The following ANKS1B variants were observed in gnomAD, a reference collection of about 807,000 sequenced individuals.
The protein encoded by ANKS1B is ankyrin repeat and sterile alpha motif domain-containing protein 1B.
ANKS1B carries 36 observed loss-of-function variants against 148.3 expected under a neutral mutation model. The observed-to-expected ratio is 0.24, with a 90% CI of 0.19 to 0.32. The LOEUF is 0.32. Among genes scored for constraint, ANKS1B ranks in the 10% least tolerant of loss-of-function variants. The pLI, the probability that ANKS1B is intolerant of heterozygous loss-of-function variation, is 1.00. For synonymous variants in ANKS1B, 542 were observed against 560.8 expected (o/e 0.97, Z 0.47); for missense variants, 1,157 against 1,542.6 (o/e 0.75, Z 4.19).
chr12:99,249,993 G>T (rs1389831267), intron 12 of ANKS1B, among the ~76,000 whole-genome samples: 1 of 152,202 alleles, frequency 6.6e-6, no homozygotes, highest in Non-Finnish European at 1.5e-5. Flanking sequence ...GCCATTGAAA[G>T]ATAGACGCTC....
rs371898982 is a variant in ANKS1B at position 99,356,233 on chromosome 12, T to C, written c.1756+43398A>G. ...GAGGGCACAGCCATGGCTTGTGGAATGGCAGGCACTGAATAGAATGCTGTG... is the reference window on the plus strand; with the variant it reads ...GAGGGCACAGCCATGGCTTGTGGAACGGCAGGCACTGAATAGAATGCTGTG... On this transcript the variant is annotated intron_variant, in intron 12 of 26. Transcript: ENST00000683438. Among the ~76,000 whole-genome samples the C allele has an allele frequency of 7.2e-4, 110 of 152,286 alleles. 3 individuals are homozygous for C. In the South Asian group the frequency reaches 0.021, roughly 29 times the overall value.
intron 1 of ANKS1B, among the ~76,000 whole-genome samples, chr12:99,848,819 A>T (rs1452019511): frequency 7.4e-6 from 1 of 135,404 alleles, no homozygotes; most frequent in South Asian, 2.1e-4. Context: ...GATTGCATTT[A>T]AAAAAAAAAT....
At chr12:98,798,841 G>T in intron 22 of ANKS1B, 93 bp downstream of exon 22, 2 of 1,048,632 alleles carry the variant, frequency 1.9e-6, no homozygotes, top group East Asian at 2.5e-5. Flanking sequence ...ACCAACAGAT[G>T]GAGAAAATAG....
intron 8 of ANKS1B, among the ~76,000 whole-genome samples, chr12:99,747,832 A>G (rs1246317744): frequency 6.6e-6 from 1 of 152,154 alleles, no homozygotes; most frequent in Non-Finnish European, 1.5e-5. Flanking sequence ...TGAAAAATGA[A>G]CCATTTTCTC....
intron 1 of ANKS1B, among the ~76,000 whole-genome samples, chr12:99,855,309 A>T (rs1296823602): frequency 6.6e-6 from 1 of 152,158 alleles, no homozygotes; most frequent in Non-Finnish European, 1.5e-5. Flanking sequence ...GTTTAAAAAC[A>T]CAAAAAGGGA....
chr12:99,801,609 G>A lies in ANKS1B; in HGVS notation c.669+4795C>T, dbSNP rs117807853. On this transcript the variant is annotated intron_variant, in intron 4 of 26. Coordinates refer to ENST00000683438, the MANE Select transcript of ANKS1B (RefSeq NM_001352186.2). The stretch of plus-strand genomic sequence containing the variant: ...AGTAAAAACAAGCTTTTCTAACTAC[G>A]TTGCTACAAAGGGGTCAGAGAAAGG... Among the ~76,000 whole-genome samples, 830 of 152,224 alleles carry A rather than the reference G, an allele frequency of 5.5e-3. 3 individuals are homozygous for A. Among genetic ancestry groups the A allele is most frequent in the Non-Finnish European group, 8.5e-3 (581 of 68,006 alleles).
At chr12:99,429,820 C>G (rs183690976) in intron 11 of ANKS1B, among the ~76,000 whole-genome samples, 2 of 151,886 alleles carry the variant, frequency 1.3e-5, no homozygotes, top group Non-Finnish European at 2.9e-5. Flanking sequence ...AAAAATTAGC[C>G]GGGCGTGGTG....
intron 1 of ANKS1B, among the ~76,000 whole-genome samples, chr12:99,839,508 C>A (rs1455565275): frequency 6.6e-6 from 1 of 152,092 alleles, no homozygotes; most frequent in African/African-American, 2.4e-5. Context: ...ACGCAATCCA[C>A]AGAAGGTACT....
chr12:99,381,240 A>G (rs1050419270), intron 12 of ANKS1B, among the ~76,000 whole-genome samples: 2 of 152,186 alleles, frequency 1.3e-5, no homozygotes, highest in Admixed American at 1.3e-4. Context: ...TCCTTAAGAA[A>G]CGAATACAGA....
At chr12:99,168,519 C>CA (rs113434143) in intron 14 of ANKS1B, among the ~76,000 whole-genome samples, 1,769 of 68,706 alleles carry the variant, frequency 0.026, 14 homozygotes, top group African/African-American at 0.043. Flanking sequence ...AACTCCATCT[C>CA]AAAAAAAAAA....
chr12:98,753,889 A>T (rs952146324), intron 25 of ANKS1B, among the ~76,000 whole-genome samples: 1 of 152,064 alleles, frequency 6.6e-6, no homozygotes, highest in Non-Finnish European at 1.5e-5. Flanking sequence ...CGATTCCCAC[A>T]CTGCTGCTGG....
At chr12:99,840,262 A>G (rs1364457868) in intron 1 of ANKS1B, among the ~76,000 whole-genome samples, 2 of 152,158 alleles carry the variant, frequency 1.3e-5, no homozygotes, top group Admixed American at 6.6e-5. Context: ...CTTAATGCTG[A>G]GGAACAGCCA....
chr12:99,143,126 A>G (rs1218899997), intron 15 of ANKS1B, among the ~76,000 whole-genome samples: 1 of 152,144 alleles, frequency 6.6e-6, no homozygotes, highest in Non-Finnish European at 1.5e-5. Context: ...ATGAAACCAG[A>G]CATTAGCTTA....
intron 25 of ANKS1B, among the ~76,000 whole-genome samples, chr12:98,771,255 A>T (rs879508094): frequency 6.6e-6 from 1 of 152,114 alleles, no homozygotes; most frequent in East Asian, 1.9e-4. Flanking sequence ...GTGAAGCCTC[A>T]GTGTCCTGGG....
intron 10 of ANKS1B, among the ~76,000 whole-genome samples, chr12:99,475,453 T>A (rs964075050): frequency 6.6e-6 from 1 of 151,704 alleles, no homozygotes; most frequent in African/African-American, 2.4e-5. Context: ...TAGAAACTAC[T>A]AAGAAATTCA....
intron 9 of ANKS1B, among the ~76,000 whole-genome samples, chr12:99,628,550 T>C (rs2098130488): frequency 6.6e-6 from 1 of 152,200 alleles, no homozygotes; most frequent in Non-Finnish European, 1.5e-5. Flanking sequence ...GGATAAAACA[T>C]TTTCTCATCT....
intron 1 of ANKS1B, among the ~76,000 whole-genome samples, chr12:99,901,086 A>G (rs2093582826): frequency 6.6e-6 from 1 of 152,242 alleles, no homozygotes; most frequent in Non-Finnish European, 1.5e-5. Context: ...GATAAAAATC[A>G]CGAGTTAAAA....
intron 1 of ANKS1B, among the ~76,000 whole-genome samples, chr12:99,933,454 T>G (rs1441878714): frequency 6.6e-6 from 1 of 152,152 alleles, no homozygotes; most frequent in Non-Finnish European, 1.5e-5. Context: ...TGTTGTATAG[T>G]TTTCACTGTA....
chr12:99,276,277 C>T (rs1007338496), intron 12 of ANKS1B, among the ~76,000 whole-genome samples: 6 of 152,110 alleles, frequency 3.9e-5, no homozygotes, highest in Admixed American at 2.0e-4. Flanking sequence ...CATCTCCTCC[C>T]GAAATTCAAA....
Sources: gnomAD v4.1 joint callset for allele counts (sites outside exome capture counted in the v4.1 genomes callset) on GRCh38, gnomAD v4.1.1 for gene constraint, MANE v1.5 for transcripts, NCBI Gene and HGNC (gene_info 2026-07-23, HGNC 2026-07-21) for gene names.